GRB14: variants seen among roughly 807,000 people sequenced by gnomAD.
GRB14 encodes the protein growth factor receptor bound protein 14.
A neutral mutation model predicts 69.1 loss-of-function variants in GRB14; 38 were observed. That is an observed-to-expected ratio of 0.55 (90% CI 0.42 to 0.72). GRB14 has a LOEUF of 0.72. Ranked by LOEUF, GRB14 falls within the 30% of genes least tolerant of loss-of-function variation. The pLI is 0.00. For missense variants in GRB14, 666 were observed against 666.1 expected (o/e 1.00, Z 0.00); for synonymous variants, 247 against 241.3 (o/e 1.02, Z -0.22).
chr2:164,501,425 T>C (rs1228672805), intron 9 of GRB14, among the ~76,000 whole-genome samples: 2 of 152,118 alleles, frequency 1.3e-5, no homozygotes, highest in African/African-American at 4.8e-5. Context: ...AAATGCACAT[T>C]AACTGATTTG....
At chr2:164,493,237 A>G (rs998163156) in intron 13 of GRB14, 55 bp from the exon 14 acceptor site, 2 of 1,509,430 alleles carry the variant, frequency 1.3e-6, no homozygotes, top group African/African-American at 1.4e-5. Context: ...CAGAAGGACA[A>G]TCATATTCGA....
intron 3 of GRB14, among the ~76,000 whole-genome samples, chr2:164,540,840 C>A (rs1222362741): frequency 6.6e-6 from 1 of 152,118 alleles, no homozygotes. Context: ...AGGCTTGGTA[C>A]AAAATTGTCA....
intron 2 of GRB14, among the ~76,000 whole-genome samples, chr2:164,559,186 C>T (rs1451593502): frequency 6.6e-6 from 1 of 152,100 alleles, no homozygotes; most frequent in Non-Finnish European, 1.5e-5. Context: ...CTTTCTAGAT[C>T]CTAACATTCC....
intron 2 of GRB14, among the ~76,000 whole-genome samples, chr2:164,548,167 C>T (rs1419797185): frequency 6.6e-6 from 1 of 152,174 alleles, no homozygotes; most frequent in East Asian, 1.9e-4. Flanking sequence ...CCCTCCACCC[C>T]ACCACTGTCC....
chr2:164,616,550 T>TA (rs1690304046), intron 2 of GRB14, among the ~76,000 whole-genome samples: 1 of 151,822 alleles, frequency 6.6e-6, no homozygotes, highest in East Asian at 1.9e-4. Flanking sequence ...CAAAAAGTGA[T>TA]AAAACATATC....
chr2:164,576,906 A>G (rs1486825314), intron 2 of GRB14, among the ~76,000 whole-genome samples: 3 of 152,000 alleles, frequency 2.0e-5, no homozygotes, highest in Non-Finnish European at 4.4e-5. Flanking sequence ...AAATACTGAA[A>G]CAAATCTAGG....
chr2:164,618,676 T>C (rs192934311), intron 2 of GRB14, among the ~76,000 whole-genome samples: 16 of 152,344 alleles, frequency 1.1e-4, no homozygotes, highest in Admixed American at 8.5e-4. Flanking sequence ...ATCATTTCTG[T>C]ATATGATCAA....
intron 2 of GRB14, among the ~76,000 whole-genome samples, chr2:164,548,210 A>C (rs1264530798): frequency 6.6e-6 from 1 of 152,084 alleles, no homozygotes; most frequent in Non-Finnish European, 1.5e-5. Context: ...CTATCTCTGC[A>C]TATTTGACTT....
chr2:164,511,975 T>TG (rs964428547), intron 6 of GRB14, among the ~76,000 whole-genome samples: 3 of 151,996 alleles, frequency 2.0e-5, no homozygotes, highest in African/African-American at 7.3e-5. Context: ...GGGCCTTAGA[T>TG]GAACATCAGC....
At chr2:164,513,290 T>C (rs1194447416) in intron 6 of GRB14, among the ~76,000 whole-genome samples, 1 of 151,808 alleles carries the variant, frequency 6.6e-6, no homozygotes, top group Non-Finnish European at 1.5e-5. Context: ...CTGTAGTGGA[T>C]TGAATAGTAG....
chr2:164,496,639 A>G (rs979614419), intron 12 of GRB14, among the ~76,000 whole-genome samples: 3 of 152,182 alleles, frequency 2.0e-5, no homozygotes, highest in Admixed American at 2.0e-4. Flanking sequence ...CATAATATAA[A>G]CCATACTTCG....
chr2:164,547,819 G>T lies in GRB14; in HGVS notation c.325-3C>A. ...TCTTCACTGTATACTTTAATCACCT[G>T]TGTAGGTAGAAACAAGAAAAAGACC... On this transcript the variant is annotated splice_polypyrimidine_tract_variant and splice_region_variant and intron_variant, in intron 2 of 13. Transcript: ENST00000263915. 1 of 1,587,200 alleles carries T rather than the reference G, an allele frequency of 6.3e-7. No individual in the cohort carries two copies. The highest frequency in any genetic ancestry group is 8.6e-7 in the Non-Finnish European group (1 of 1,165,002).
At chr2:164,498,785 C>G (rs572384956) in intron 9 of GRB14, among the ~76,000 whole-genome samples, 4 of 152,186 alleles carry the variant, frequency 2.6e-5, no homozygotes, top group Non-Finnish European at 4.4e-5. Flanking sequence ...ACTCCTTTAT[C>G]ACTGCTTCAA....
At chr2:164,520,040 G>A (rs1687598478) in intron 6 of GRB14, among the ~76,000 whole-genome samples, 1 of 151,972 alleles carries the variant, frequency 6.6e-6, no homozygotes, top group African/African-American at 2.4e-5. Context: ...AACCAAAAAA[G>A]AGCCTGCATA....
chr2:164,597,151 A>C (rs945832951), intron 2 of GRB14, among the ~76,000 whole-genome samples: 6 of 152,206 alleles, frequency 3.9e-5, no homozygotes, highest in Non-Finnish European at 8.8e-5. Context: ...CACGATCAGT[A>C]AAAGTGAAAA....
intron 2 of GRB14, among the ~76,000 whole-genome samples, chr2:164,552,433 G>GA (rs1310854807): frequency 6.6e-6 from 1 of 152,070 alleles, no homozygotes; most frequent in African/African-American, 2.4e-5. Context: ...AATTTTAATA[G>GA]AAAAGTATTT....
chr2:164,503,770 T>C (rs1243691558), intron 8 of GRB14, among the ~76,000 whole-genome samples: 1 of 152,176 alleles, frequency 6.6e-6, no homozygotes, highest in Non-Finnish European at 1.5e-5. Context: ...ACAAGAAACA[T>C]GCTGTTTGGC....
At chr2:164,559,259 C>T (rs1465501462) in intron 2 of GRB14, among the ~76,000 whole-genome samples, 6 of 152,090 alleles carry the variant, frequency 3.9e-5, no homozygotes, top group African/African-American at 1.4e-4. Flanking sequence ...ACTTTTCCTT[C>T]ATTTTTCTAA....
Position 164,492,945 on chromosome 2 carries a change from C to G in GRB14, c.*91G>C. On this transcript the variant is annotated 3_prime_UTR_variant, in exon 14 of 14. Transcript: ENST00000263915. ...TTGCAGGTGAAATACATTCTTTTCA[C>G]ATGGTAATGTTTTCGCCCTTATTTA... 1 of 1,193,644 alleles carries G rather than the reference C, an allele frequency of 8.4e-7. No individual in the cohort carries two copies. The allele number at this position is 1,193,644 out of a possible 1,614,324, so 73.9% of individuals were successfully genotyped here.
Sources: allele counts gnomAD v4.1 joint callset (sites outside exome capture counted in the v4.1 genomes callset), GRCh38; gene constraint gnomAD v4.1.1; transcripts MANE v1.5; gene names NCBI Gene and HGNC (gene_info 2026-07-23, HGNC 2026-07-21).